ZNF346: variants seen among roughly 807,000 people sequenced by gnomAD.
ZNF346 encodes double-stranded RNA-binding zinc finger protein JAZ.
In ZNF346, 23 loss-of-function variants were observed where a neutral mutation model predicts 33.7. The observed-to-expected ratio is 0.68, with a 90% CI of 0.49 to 0.97. The LOEUF is 0.97. Ranked by LOEUF, ZNF346 falls within the 50% of genes least tolerant of loss-of-function variation. The pLI is 0.00. For synonymous variants in ZNF346, 134 were observed against 142.4 expected (o/e 0.94, Z 0.42); for missense variants, 340 against 371.1 (o/e 0.92, Z 0.69).
chr5:177,032,158 A>G (rs970096991), intron 1 of ZNF346, among the ~76,000 whole-genome samples: 3 of 150,304 alleles, frequency 2.0e-5, no homozygotes, highest in African/African-American at 7.3e-5. Context: ...ATGCGCCACC[A>G]CACCTGGCTA....
chr5:177,028,899 T>G (rs1777275574), intron 1 of ZNF346, among the ~76,000 whole-genome samples: 1 of 151,648 alleles, frequency 6.6e-6, no homozygotes, highest in South Asian at 2.1e-4. Context: ...TTTTGTATTT[T>G]TAGTAGAGAC....
downstream of ZNF346, among the ~76,000 whole-genome samples, chr5:177,072,279 C>T (rs1783544679): frequency 6.6e-6 from 1 of 152,234 alleles, no homozygotes; most frequent in Admixed American, 6.5e-5. Context: ...TTTCCCCTTC[C>T]CTCAGGACAT....
At chr5:177,035,919 G>A (rs570483046) in intron 1 of ZNF346, among the ~76,000 whole-genome samples, 3 of 151,756 alleles carry the variant, frequency 2.0e-5, no homozygotes, top group South Asian at 2.1e-4. Flanking sequence ...TATTACAGGC[G>A]TGAGCTACCG....
At chr5:177,056,273 A>G (rs1376268935) in intron 5 of ZNF346, among the ~76,000 whole-genome samples, 1 of 152,112 alleles carries the variant, frequency 6.6e-6, no homozygotes, top group Non-Finnish European at 1.5e-5. Context: ...AGGAAACTAC[A>G]GGTGCTGGAG....
At chr5:177,044,575 G>A (rs572489032) in intron 4 of ZNF346, 42 bp downstream of exon 4, 250 of 1,606,382 alleles carry the variant, frequency 1.6e-4, no homozygotes, top group Middle Eastern at 1.2e-3. Flanking sequence ...GACCCCTGCC[G>A]TCCTCAGGGC....
chr5:177,033,137 G>T (rs536671767), intron 1 of ZNF346, among the ~76,000 whole-genome samples: 1 of 152,112 alleles, frequency 6.6e-6, no homozygotes, highest in Non-Finnish European at 1.5e-5. Flanking sequence ...GTGCAGTGGC[G>T]CAATTATGGC....
chr5:177,068,653 A>C (rs1421557429), downstream of ZNF346, among the ~76,000 whole-genome samples: 1 of 143,082 alleles, frequency 7.0e-6, no homozygotes, highest in Non-Finnish European at 1.5e-5. Context: ...GGGAAAAGGC[A>C]CTCTGATTTG....
chr5:177,058,926 G>A (rs1782119313), intron 5 of ZNF346, among the ~76,000 whole-genome samples: 1 of 152,152 alleles, frequency 6.6e-6, no homozygotes, highest in Non-Finnish European at 1.5e-5. Context: ...GTAGAGACAG[G>A]GTTTCACCAG....
Position 177,045,185 on chromosome 5 carries a change from A to G in ZNF346, c.517+652A>G, listed in dbSNP as rs150928380. Among the ~76,000 whole-genome samples, 391 of 152,286 alleles carry G rather than the reference A, an allele frequency of 2.6e-3. 2 individuals carry two copies. Among genetic ancestry groups the G allele is most frequent in the African/African-American group, 8.3e-3 (346 of 41,560 alleles). ...GGGGTTTTAACCTCTGCTAATTGCAATTAGTCAAGAGTGAAAGTTCTTTGA... is the reference window on the plus strand; with the variant it reads ...GGGGTTTTAACCTCTGCTAATTGCAGTTAGTCAAGAGTGAAAGTTCTTTGA... On this transcript the variant is annotated intron_variant, in intron 4 of 6. Coordinates refer to ENST00000358149, the MANE Select transcript of ZNF346 (RefSeq NM_012279.4).
At position 177,041,782 on chromosome 5, in the gene ZNF346, A is replaced by C; in HGVS notation, c.284A>C (p.Lys95Thr). The C allele has an allele frequency of 6.2e-7, 1 of 1,612,384 alleles. No homozygotes were observed. Among genetic ancestry groups the C allele is most frequent in the South Asian group, 1.1e-5 (1 of 90,964 alleles). ...CTTTCTCCTGGGTTTTTGCAGAGCA[A>C]AAAACATGCCAACAAAGTGAAGAGA... ...ESQKLAHYQSKKHANKVKRYL... is the reference protein window; with the variant it reads ...ESQKLAHYQSTKHANKVKRYL... Residue 95 changes from lysine to threonine, a missense_variant, in exon 3 of 7, where the codon AAA becomes ACA. Lys to Thr is a moderately conservative substitution (Grantham distance 78). Coordinates refer to ENST00000358149, the MANE Select transcript of ZNF346 (RefSeq NM_012279.4).
At chr5:177,058,191 AT>A (rs1247238187) in intron 5 of ZNF346, among the ~76,000 whole-genome samples, 1 of 151,336 alleles carries the variant, frequency 6.6e-6, no homozygotes. Flanking sequence ...AAAAAAAAAA[AT>A]AGCTGGGCGC....
intron 8 of ZNF346, among the ~76,000 whole-genome samples, chr5:177,074,894 G>A (rs1295730873): frequency 2.6e-5 from 4 of 151,060 alleles, no homozygotes; most frequent in Non-Finnish European, 5.9e-5. Flanking sequence ...GGTGAAACCC[G>A]TCTCTACTAA....
chr5:177,059,110 T>G (rs550404450), intron 5 of ZNF346, among the ~76,000 whole-genome samples: 1 of 152,336 alleles, frequency 6.6e-6, no homozygotes, highest in African/African-American at 2.4e-5. Flanking sequence ...GTTCATTCAT[T>G]TAGTCAAGTC....
intron 1 of ZNF346, among the ~76,000 whole-genome samples, chr5:177,037,841 A>C (rs1007078029): frequency 5.3e-5 from 8 of 152,166 alleles, no homozygotes; most frequent in African/African-American, 1.9e-4. Flanking sequence ...TCCGTAGTTC[A>C]TACTGTGGCT....
intron 5 of ZNF346, chr5:177,051,973 G>A (rs1263360538): frequency 6.8e-6 from 1 of 147,798 alleles, no homozygotes; most frequent in Non-Finnish European, 1.5e-5. Flanking sequence ...AGACCAGCCT[G>A]GCCAACATGG....
chr5:177,064,982 C>T lies in ZNF346; in HGVS notation c.*383C>T, dbSNP rs975930403. 1 of 178,764 alleles carries T rather than the reference C, an allele frequency of 5.6e-6. No individual in the cohort carries two copies. The highest frequency in any genetic ancestry group is 1.2e-5 in the Non-Finnish European group (1 of 85,278). The allele number at this position is 178,764 out of a possible 1,614,324, so 11.1% of individuals were successfully genotyped here. A position where few individuals can be genotyped will look rare whatever the true frequency, so the allele number is the denominator to read the frequency against. ...CTAAAGAGCAGAGATCTCTCTGGGC[C>T]CTAGACATTTCCAGCAAAACCTGGA... On this transcript the variant is annotated 3_prime_UTR_variant, in exon 7 of 7. Coordinates refer to ENST00000358149, the MANE Select transcript of ZNF346 (RefSeq NM_012279.4).
At chr5:177,041,499 A>G (rs1779331959) in intron 2 of ZNF346, among the ~76,000 whole-genome samples, 2 of 152,222 alleles carry the variant, frequency 1.3e-5, no homozygotes. Context: ...ACTTTAAATC[A>G]AAACTCTGCT....
At chr5:177,052,972 TCAC>T (rs896456611) in intron 5 of ZNF346, 4 of 152,104 alleles carry the variant, frequency 2.6e-5, no homozygotes, top group Admixed American at 2.0e-4. Context: ...CAGGATCCAT[TCAC>T]CACTCATTGG....
intron 8 of ZNF346, among the ~76,000 whole-genome samples, chr5:177,074,102 C>T (rs540409508): frequency 5.3e-5 from 8 of 152,264 alleles, no homozygotes; most frequent in African/African-American, 1.7e-4. Context: ...GCAGAACTGC[C>T]ACCTGAGCCC....
Sources: allele counts gnomAD v4.1 joint callset (sites outside exome capture counted in the v4.1 genomes callset), GRCh38; gene constraint gnomAD v4.1.1; transcripts MANE v1.5; gene names NCBI Gene and HGNC (gene_info 2026-07-23, HGNC 2026-07-21).